The following EXOC2 variants were observed in gnomAD, a reference collection of about 807,000 sequenced individuals.
EXOC2 encodes SEC5-like 1.
In EXOC2, 70 loss-of-function variants were observed where a neutral mutation model predicts 131.8. The ratio of observed to expected loss-of-function variants is 0.53; its 90% CI spans 0.44 to 0.65. EXOC2 has a LOEUF of 0.65. Ranked by LOEUF, EXOC2 falls within the 30% of genes least tolerant of loss-of-function variation. The pLI, the probability that EXOC2 is intolerant of heterozygous loss-of-function variation, is 0.00. For synonymous variants in EXOC2, 411 were observed against 398.4 expected, an observed-to-expected ratio of 1.03 and a Z score of -0.38; for missense variants, 923 against 1,108.6, an observed-to-expected ratio of 0.83 and a Z score of 2.38.
intron 4 of EXOC2, among the ~76,000 whole-genome samples, chr6:620,710 C>T (rs1761244546): frequency 6.6e-6 from 1 of 152,182 alleles, no homozygotes; most frequent in Non-Finnish European, 1.5e-5. Context: ...TCGTGATCCA[C>T]ACTCCAACTT....
intron 1 of EXOC2, among the ~76,000 whole-genome samples, chr6:685,034 C>T (rs1764579014): frequency 6.6e-6 from 1 of 152,120 alleles, no homozygotes; most frequent in African/African-American, 2.4e-5. Flanking sequence ...ATAACCTCTA[C>T]TCAACAGGCC....
At chr6:642,791 T>C (rs1176072823) in intron 1 of EXOC2, among the ~76,000 whole-genome samples, 1 of 152,098 alleles carries the variant, frequency 6.6e-6, no homozygotes, top group Admixed American at 6.5e-5. Flanking sequence ...GTAGAAGATA[T>C]TTGAAGAAAC....
At chr6:497,046 T>C (rs1166460947) in intron 25 of EXOC2, among the ~76,000 whole-genome samples, 1 of 144,150 alleles carries the variant, frequency 6.9e-6, no homozygotes, top group Non-Finnish European at 1.5e-5. Context: ...TAAAAGCAAG[T>C]TGTTAAAAAT....
chr6:557,420 C>G (rs1390184574), intron 17 of EXOC2, among the ~76,000 whole-genome samples: 2 of 151,982 alleles, frequency 1.3e-5, no homozygotes, highest in Non-Finnish European at 2.9e-5. Flanking sequence ...GAGATTGAGA[C>G]CGTCCTGGCC....
intron 4 of EXOC2, among the ~76,000 whole-genome samples, chr6:628,255 C>T (rs1444913689): frequency 6.6e-6 from 1 of 152,162 alleles, no homozygotes; most frequent in Admixed American, 6.5e-5. Flanking sequence ...GAGAGTTTTG[C>T]CCCACACAAA....
intron 23 of EXOC2, among the ~76,000 whole-genome samples, chr6:507,396 C>T (rs1764629666): frequency 6.6e-6 from 1 of 150,838 alleles, no homozygotes; most frequent in Non-Finnish European, 1.5e-5. Flanking sequence ...CTCCTGCACT[C>T]CCAGGGATTG....
intron 17 of EXOC2, among the ~76,000 whole-genome samples, chr6:559,717 T>C (rs146519758): frequency 1.3e-3 from 202 of 152,318 alleles, no homozygotes; most frequent in Middle Eastern, 6.8e-3. Flanking sequence ...GAGGCTGATA[T>C]ACTACAATCA....
chr6:566,741 A>G (rs2476842), intron 13 of EXOC2, among the ~76,000 whole-genome samples: 86,630 of 151,900 alleles, frequency 0.57, 25,309 homozygotes, highest in East Asian at 0.71. Context: ...GTGGCTTCAA[A>G]TATCATTTCT....
At chr6:638,076 T>C (rs1368940080) in intron 1 of EXOC2, among the ~76,000 whole-genome samples, 1 of 152,130 alleles carries the variant, frequency 6.6e-6, no homozygotes, top group African/African-American at 2.4e-5. Flanking sequence ...GACATAAGAA[T>C]AACAGAATGC....
chr6:537,472 G>T (rs1285890970), intron 22 of EXOC2, among the ~76,000 whole-genome samples: 1 of 151,988 alleles, frequency 6.6e-6, no homozygotes, highest in African/African-American at 2.4e-5. Context: ...GGCCGACGGA[G>T]CGTACACTCA....
chr6:554,045 C>CA, intron 20 of EXOC2, 125 bp from the exon 21 acceptor site: 1 of 532,106 alleles, frequency 1.9e-6, no homozygotes, highest in Non-Finnish European at 3.2e-6. Flanking sequence ...AGTCACATAA[C>CA]TTTTTTTTTT....
intron 21 of EXOC2, among the ~76,000 whole-genome samples, chr6:551,621 C>A (rs1757148589): frequency 6.6e-6 from 1 of 152,110 alleles, no homozygotes; most frequent in South Asian, 2.1e-4. Context: ...ACACAGCACA[C>A]CAGGAGGGAG....
intron 1 of EXOC2, among the ~76,000 whole-genome samples, chr6:690,173 A>T (rs1343680312): frequency 6.6e-6 from 1 of 152,164 alleles, no homozygotes; most frequent in African/African-American, 2.4e-5. Context: ...TGGGCAACGT[A>T]GGAAGACCTC....
At chr6:495,855 T>C (rs1174012025) in intron 25 of EXOC2, among the ~76,000 whole-genome samples, 1 of 152,198 alleles carries the variant, frequency 6.6e-6, no homozygotes, top group Non-Finnish European at 1.5e-5. Flanking sequence ...GCATGCTGGA[T>C]ATTGAGACAT....
intron 10 of EXOC2, among the ~76,000 whole-genome samples, chr6:595,186 T>C (rs376029675): frequency 6.6e-6 from 1 of 152,010 alleles, no homozygotes; most frequent in Admixed American, 6.5e-5. Context: ...TGAATGATAT[T>C]AGAAAAAATT....
intron 22 of EXOC2, among the ~76,000 whole-genome samples, chr6:542,250 C>T (rs369285021): frequency 6.6e-5 from 10 of 152,114 alleles, no homozygotes; most frequent in East Asian, 5.8e-4. Context: ...CTACATTATG[C>T]GATATCTATT....
chr6:622,431 C>T (rs553525338), intron 4 of EXOC2, among the ~76,000 whole-genome samples: 48 of 152,318 alleles, frequency 3.2e-4, no homozygotes, highest in African/African-American at 1.1e-3. Flanking sequence ...CCCTCCCCCA[C>T]GCCCATGGTG....
intron 23 of EXOC2, among the ~76,000 whole-genome samples, chr6:505,758 C>T: frequency 6.6e-6 from 1 of 152,200 alleles, no homozygotes; most frequent in East Asian, 1.9e-4. Context: ...GATCATCTGC[C>T]ATTCTCCTTC....
At chr6:594,759 T>C (rs111497244) in intron 10 of EXOC2, among the ~76,000 whole-genome samples, 1,799 of 152,326 alleles carry the variant, frequency 0.012, 38 homozygotes, top group African/African-American at 0.04. Flanking sequence ...GTTGTTCTTT[T>C]AGAAATTCTA....
Sources: allele counts gnomAD v4.1 joint callset (sites outside exome capture counted in the v4.1 genomes callset), GRCh38; gene constraint gnomAD v4.1.1; transcripts MANE v1.5; gene names NCBI Gene and HGNC (gene_info 2026-07-23, HGNC 2026-07-21).